The following RGS20 variants were observed in gnomAD, a reference collection of about 807,000 sequenced individuals.
RGS20 encodes regulator of G protein signaling 20, also known as gz-selective GTPase-activating protein.
A neutral mutation model predicts 33.6 loss-of-function variants in RGS20; 30 were observed. That is an observed-to-expected ratio of 0.89 (90% CI 0.67 to 1.21). RGS20 has a LOEUF of 1.21. Among genes scored for constraint, RGS20 ranks in the 50% most tolerant of loss-of-function variants. RGS20 has a pLI of 0.00. For missense variants in RGS20, 472 were observed against 502.4 expected (o/e 0.94, Z 0.58); for synonymous variants, 208 against 197.9 (o/e 1.05, Z -0.43).
chr8:53,863,169 T>C (rs1478825181), intron 1 of RGS20, among the ~76,000 whole-genome samples: 2 of 152,082 alleles, frequency 1.3e-5, no homozygotes, highest in Non-Finnish European at 2.9e-5. Flanking sequence ...GTATTTTTAG[T>C]AGAGACGGGG....
intron 2 of RGS20, among the ~76,000 whole-genome samples, chr8:53,892,687 A>G (rs1215261516): frequency 6.6e-6 from 1 of 152,226 alleles, no homozygotes. Flanking sequence ...ATACATGTAC[A>G]GCAGAGGGTT....
Position 53,946,673 on chromosome 8 carries a change from T to C in RGS20, c.668T>C (p.Val223Ala), listed in dbSNP as rs1814489684. ...ATGTCTTTTTTTTGCAGTCTCACTG[T>C]TAGAAACCAGGAAGATCAGAGGCCC... The change falls in exon 4 of 6, where the codon GTT (valine) becomes GCT (alanine). Residue 223 changes from valine to alanine, a missense_variant. Val to Ala is a moderately conservative substitution (Grantham distance 64). Around this residue, in one of 3 missense-constraint regions of RGS20, gnomAD observed 319 missense variants for 283.4 expected, o/e 1.13. Transcript: ENST00000297313. 1 of 1,611,494 alleles carries C rather than the reference T, an allele frequency of 6.2e-7. No individual in the cohort carries two copies. The highest frequency in any genetic ancestry group is 1.3e-5 in the African/African-American group (1 of 74,908).
At chr8:53,880,405 G>A (rs1181967681) in intron 2 of RGS20, 1 of 152,608 alleles carries the variant, frequency 6.6e-6, no homozygotes, top group Non-Finnish European at 1.5e-5. Context: ...AGGCTGCGCC[G>A]GGGTGGGGCG....
At chr8:53,942,046 G>GGCA (rs1419990819) in intron 3 of RGS20, among the ~76,000 whole-genome samples, 1 of 152,176 alleles carries the variant, frequency 6.6e-6, no homozygotes, top group African/African-American at 2.4e-5. Flanking sequence ...GGCCGAGGCC[G>GGCA]GCAGATCACA....
chr8:53,946,633 G>A lies in RGS20; in HGVS notation c.660-32G>A, dbSNP rs562796375. Reference sequence around the variant, plus strand: ...AAAATCTTTTCTTGGCAGGGACTGAGCTGTCAACATGTGAATGTCTTTTTT... The same window carrying A: ...AAAATCTTTTCTTGGCAGGGACTGAACTGTCAACATGTGAATGTCTTTTTT... On this transcript the variant is annotated intron_variant, in intron 3 of 5. Coordinates refer to ENST00000297313, the MANE Select transcript of RGS20 (RefSeq NM_170587.4). 121 of 1,550,578 alleles carry A rather than the reference G, an allele frequency of 7.8e-5. 1 individual carries two copies. In the South Asian group the frequency reaches 1.3e-3, roughly 17 times the overall value.
At chr8:53,919,683 G>A (rs1157380796) in intron 2 of RGS20, among the ~76,000 whole-genome samples, 1 of 151,346 alleles carries the variant, frequency 6.6e-6, no homozygotes, top group Admixed American at 6.6e-5. Context: ...CAACTTCTGG[G>A]CAGGAGGATC....
At chr8:53,949,491 C>A (rs747998689) in intron 4 of RGS20, among the ~76,000 whole-genome samples, 1 of 151,716 alleles carries the variant, frequency 6.6e-6, no homozygotes, top group East Asian at 1.9e-4. Flanking sequence ...TCAAAGCATG[C>A]GGATCACCTG....
chr8:53,933,295 A>G (rs937189380), intron 2 of RGS20, among the ~76,000 whole-genome samples: 5 of 152,116 alleles, frequency 3.3e-5, no homozygotes, highest in African/African-American at 4.8e-5. Flanking sequence ...TTCAGAAGGT[A>G]GGTAATAAAC....
chr8:53,923,091 C>T (rs1813696582), intron 2 of RGS20, among the ~76,000 whole-genome samples: 1 of 152,076 alleles, frequency 6.6e-6, no homozygotes. Flanking sequence ...TCCTTTCTCT[C>T]CCTACTGTTT....
At chr8:53,879,833 C>G (rs889874933) in intron 2 of RGS20, 4 of 438,272 alleles carry the variant, frequency 9.1e-6, no homozygotes, top group African/African-American at 6.2e-5. Flanking sequence ...TTTCCTGGGC[C>G]ATTTCCTTTC....
At chr8:53,946,245 TAGAGAC>T (rs1328349246) in intron 3 of RGS20, among the ~76,000 whole-genome samples, 3 of 152,134 alleles carry the variant, frequency 2.0e-5, no homozygotes, top group Admixed American at 2.0e-4. Flanking sequence ...TTGTATTAAA[TAGAGAC>T]AGGGTCTCGC....
intron 2 of RGS20, among the ~76,000 whole-genome samples, chr8:53,915,077 G>A (rs778786690): frequency 1.1e-4 from 16 of 151,736 alleles, no homozygotes; most frequent in Middle Eastern, 3.4e-3. Context: ...CCTGGGAGGC[G>A]AGGTTGCAGT....
rs190782511 is a variant in RGS20, at chr8:53,931,001, G to A, written c.511-8575G>A. On this transcript the variant is annotated intron_variant, in intron 2 of 5. Transcript: ENST00000297313. ...TCTCCTCCACAGGTGAGGTGAAGAC[G>A]TGATCCCTGGAGTCACTTGAGCCTA... 6.0e-4 allele frequency among the ~76,000 whole-genome samples: 92 copies of A among 152,260 alleles called. 1 individual carries two copies. Among genetic ancestry groups the A allele is most frequent in the Non-Finnish European group, 8.7e-4 (59 of 68,018 alleles).
intron 2 of RGS20, among the ~76,000 whole-genome samples, chr8:53,890,693 A>T (rs1812689379): frequency 6.6e-6 from 1 of 152,204 alleles, no homozygotes; most frequent in Admixed American, 6.5e-5. Context: ...AGAATGGAGT[A>T]CATTGGCACC....
chr8:53,936,589 G>C (rs914410292), intron 2 of RGS20, among the ~76,000 whole-genome samples: 14 of 152,134 alleles, frequency 9.2e-5, no homozygotes, highest in African/African-American at 3.4e-4. Context: ...ACTGCTCAAG[G>C]AAATAAGGGA....
At chr8:53,880,831 T>G in intron 2 of RGS20, 41 bp from the exon 1 acceptor site, 1 of 1,359,370 alleles carries the variant, frequency 7.4e-7, no homozygotes. Flanking sequence ...GACGTGGGAT[T>G]GCCCGGCCGG....
intron 1 of RGS20, among the ~76,000 whole-genome samples, chr8:53,863,019 G>A (rs1356123778): frequency 2.0e-5 from 3 of 151,982 alleles, no homozygotes; most frequent in Non-Finnish European, 2.9e-5. Context: ...ATGGAGTTTC[G>A]CTCTTGTTTC....
Position 53,946,736 on chromosome 8 carries a change from C to T in RGS20, c.731C>T (p.Thr244Ile). Residue 244 changes from threonine (T) to isoleucine (I), a missense_variant, in exon 4 of 6, where the codon ACC (threonine) becomes ATC (isoleucine). Physicochemically the swap from Thr to Ile is moderately conservative, Grantham distance 89 (BLOSUM62 -1). This residue lies in a region of RGS20 where 319 missense variants were observed against 283.4 expected (regional missense o/e 1.13). Transcript: ENST00000297313. ...CACGAACTCAGAGCAGATCTTCCAA[C>T]CTGGGAAGAAAGGTGAAATCACACG... The T allele has an allele frequency of 6.2e-7, 1 of 1,612,322 alleles. No individual in the cohort carries two copies. The highest frequency in any genetic ancestry group is 8.5e-7 in the Non-Finnish European group (1 of 1,179,114).
At chr8:53,852,173 AT>A in intron 1 of RGS20, 1 of 1,048,956 alleles carries the variant, frequency 9.5e-7, no homozygotes, top group Non-Finnish European at 1.3e-6. Flanking sequence ...ACTTATCTTA[AT>A]GTTTTATCAA....
Sources: gnomAD v4.1 joint callset for allele counts (sites outside exome capture counted in the v4.1 genomes callset) on GRCh38, gnomAD v4.1.1 for gene constraint, gnomAD v4.1.1 regional missense constraint, MANE v1.5 for transcripts, NCBI Gene and HGNC (gene_info 2026-07-23, HGNC 2026-07-21) for gene names.